The following EDIL3 variants were observed in gnomAD, a reference collection of about 807,000 sequenced individuals.
The protein encoded by EDIL3 is EGF like and discoidin domains 3, also known as EGF-like repeat and discoidin I-like domain-containing protein 3.
A neutral mutation model predicts 67.4 loss-of-function variants in EDIL3; 37 were observed. That is an observed-to-expected ratio of 0.55 (90% confidence interval 0.42 to 0.72). The LOEUF (loss-of-function observed/expected upper bound fraction) is 0.72. EDIL3 is among the 30% of genes least tolerant of loss of function. The probability of loss-of-function intolerance (pLI) is 0.00; values close to 1 mark genes in which losing one functional copy is unlikely to be tolerated. For missense variants in EDIL3, 527 were observed against 586.3 expected, an observed-to-expected ratio of 0.90 and a Z score of 1.04; for synonymous variants, 195 against 196.3, an observed-to-expected ratio of 0.99 and a Z score of 0.05.
chr5:83,978,754 A>T (rs1744915800), intron 9 of EDIL3, among the ~76,000 whole-genome samples: 1 of 152,036 alleles, frequency 6.6e-6, no homozygotes, highest in Admixed American at 6.6e-5. Flanking sequence ...ACTCAATAAA[A>T]GATGCTACAG....
At chr5:84,214,389 T>G (rs111486465) in intron 3 of EDIL3, among the ~76,000 whole-genome samples, 13 of 152,208 alleles carry the variant, frequency 8.5e-5, no homozygotes, top group African/African-American at 3.1e-4. Flanking sequence ...ATACAACCTA[T>G]GTATAACCCC....
intron 9 of EDIL3, among the ~76,000 whole-genome samples, chr5:83,977,993 T>C (rs1185282708): frequency 6.6e-6 from 1 of 151,826 alleles, no homozygotes; most frequent in East Asian, 1.9e-4. Context: ...CAACCTCTTG[T>C]CTTAAACGCT....
intron 9 of EDIL3, among the ~76,000 whole-genome samples, chr5:83,966,213 C>T (rs1468345979): frequency 6.6e-6 from 1 of 152,108 alleles, no homozygotes; most frequent in Non-Finnish European, 1.5e-5. Flanking sequence ...ATTTAGGGCA[C>T]TGAGCTGGCT....
At chr5:84,028,017 A>G (rs1319092195) in intron 9 of EDIL3, among the ~76,000 whole-genome samples, 2 of 152,178 alleles carry the variant, frequency 1.3e-5, no homozygotes, top group Non-Finnish European at 2.9e-5. Context: ...ACCATATTTT[A>G]TATGAACTCC....
At chr5:84,029,289 A>C (rs1745874979) in intron 9 of EDIL3, among the ~76,000 whole-genome samples, 1 of 151,780 alleles carries the variant, frequency 6.6e-6, no homozygotes, top group African/African-American at 2.4e-5. Context: ...ACAAATAAAG[A>C]GGAGTTCCTC....
intron 10 of EDIL3, among the ~76,000 whole-genome samples, chr5:83,957,109 C>T (rs1554060691): frequency 6.6e-6 from 1 of 151,620 alleles, no homozygotes; most frequent in Non-Finnish European, 1.5e-5. Flanking sequence ...TTTTGGAAAG[C>T]AGCCTCCGTT....
At chr5:84,107,388 A>G (rs979591900) in intron 5 of EDIL3, among the ~76,000 whole-genome samples, 2 of 151,954 alleles carry the variant, frequency 1.3e-5, no homozygotes, top group Non-Finnish European at 2.9e-5. Flanking sequence ...ATTTAAAAAT[A>G]TTATTATAAT....
intron 1 of EDIL3, among the ~76,000 whole-genome samples, chr5:84,371,208 T>A (rs1411441288): frequency 2.7e-5 from 4 of 150,756 alleles, no homozygotes; most frequent in Admixed American, 6.6e-5. Context: ...CATGAGTTAC[T>A]TGGATAAGAT....
In EDIL3 at chr5:84,117,020, A is replaced by ATTTTTTTT. The variant is rs34997139; in HGVS notation, c.470-10198_470-10191dup. Among the ~76,000 whole-genome samples, 520 of 83,218 alleles carry ATTTTTTTT rather than the reference A, an allele frequency of 6.2e-3. 41 individuals are homozygous for ATTTTTTTT. Among genetic ancestry groups the ATTTTTTTT allele is most frequent in the African/African-American group, 8.8e-3 (189 of 21,436 alleles). 54.6% of individuals were successfully genotyped at this position (83,218 alleles called of 152,430 possible). ...TATGTAGTATCCAAGTTAAGTACTT[A>ATTTTTTTT]TTTTTTTTTTTTTTTTTTTTTTTTT... On this transcript the variant is annotated intron_variant, in intron 5 of 10. Transcript: ENST00000296591.
At chr5:84,348,959 A>G (rs1162198717) in intron 1 of EDIL3, among the ~76,000 whole-genome samples, 2 of 152,218 alleles carry the variant, frequency 1.3e-5, no homozygotes, top group African/African-American at 2.4e-5. Flanking sequence ...TATTATTTTA[A>G]TAAACATAAT....
chr5:83,985,492 C>G (rs1398091802), intron 9 of EDIL3, among the ~76,000 whole-genome samples: 1 of 151,924 alleles, frequency 6.6e-6, no homozygotes, highest in African/African-American at 2.4e-5. Context: ...TGGTGCAGTG[C>G]TTGGAAAGCT....
At chr5:84,065,971 C>T (rs1397333521) in intron 7 of EDIL3, among the ~76,000 whole-genome samples, 1 of 151,666 alleles carries the variant, frequency 6.6e-6, no homozygotes, top group African/African-American at 2.4e-5. Context: ...AAAAATTAGC[C>T]GGGCGTGGTG....
intron 9 of EDIL3, among the ~76,000 whole-genome samples, chr5:84,042,079 G>A (rs1196651482): frequency 6.6e-6 from 1 of 152,014 alleles, no homozygotes; most frequent in African/African-American, 2.4e-5. Context: ...ATGCCATAAT[G>A]ATAATACAAC....
intron 9 of EDIL3, among the ~76,000 whole-genome samples, chr5:84,002,884 C>T (rs894431470): frequency 6.6e-6 from 1 of 152,122 alleles, no homozygotes; most frequent in Non-Finnish European, 1.5e-5. Context: ...CCTGTGAACC[C>T]TTCAACCCCT....
intron 6 of EDIL3, among the ~76,000 whole-genome samples, chr5:84,096,671 G>T (rs1747269379): frequency 6.6e-6 from 1 of 152,126 alleles, no homozygotes; most frequent in Non-Finnish European, 1.5e-5. Flanking sequence ...AATGAGTTAA[G>T]ACTCTGGGGG....
chr5:84,240,743 C>T (rs1744779211), intron 2 of EDIL3, among the ~76,000 whole-genome samples: 1 of 152,168 alleles, frequency 6.6e-6, no homozygotes, highest in South Asian at 2.1e-4. Context: ...GGGACCGCAG[C>T]TCTATGGAAT....
chr5:84,004,226 T>C (rs1006464940), intron 9 of EDIL3, among the ~76,000 whole-genome samples: 2 of 152,110 alleles, frequency 1.3e-5, no homozygotes, highest in Non-Finnish European at 2.9e-5. Context: ...AAAATAATAG[T>C]GTGAGAATTT....
intron 6 of EDIL3, among the ~76,000 whole-genome samples, chr5:84,079,975 G>T (rs1170562499): frequency 6.6e-6 from 1 of 151,726 alleles, no homozygotes; most frequent in Non-Finnish European, 1.5e-5. Context: ...AGGCTTTGGA[G>T]GTGTTTAAGG....
intron 3 of EDIL3, among the ~76,000 whole-genome samples, chr5:84,211,510 G>A (rs967303053): frequency 5.3e-5 from 8 of 152,134 alleles, no homozygotes; most frequent in Non-Finnish European, 8.8e-5. Context: ...ATCTTGAGAT[G>A]GGATCATCCT....
Sources: gnomAD v4.1 joint callset for allele counts (sites outside exome capture counted in the v4.1 genomes callset) on GRCh38, gnomAD v4.1.1 for gene constraint, MANE v1.5 for transcripts, NCBI Gene and HGNC (gene_info 2026-07-23, HGNC 2026-07-21) for gene names.